RRP12: variants seen among roughly 807,000 people sequenced by gnomAD.
RRP12 encodes the protein ribosomal RNA processing 12 homolog.
RRP12 carries 78 observed loss-of-function variants against 157.3 expected under a neutral mutation model. The observed-to-expected ratio is 0.50, with a 90% CI of 0.41 to 0.60. The LOEUF is 0.60. Ranked by LOEUF, RRP12 falls within the 20% of genes least tolerant of loss-of-function variation. The pLI is 0.00. For missense variants in RRP12, 1,521 were observed against 1,679.9 expected (o/e 0.91, Z 1.65); for synonymous variants, 726 against 670.9 (o/e 1.08, Z -1.27).
intron 19 of RRP12, 51 bp downstream of exon 19, chr10:97,372,682 CCCT>C (rs1844189702): frequency 1.1e-5 from 15 of 1,419,600 alleles, no homozygotes; most frequent in African/African-American, 1.4e-5. Flanking sequence ...GCCAGATGCA[CCCT>C]CCAGCTCCCT....
rs2297988 is a variant in RRP12, at chr10:97,358,625, T to C, written c.3709-6A>G. The C allele has an allele frequency of 0.34, 541,959 of 1,606,020 alleles. 95,121 individuals are homozygous for C. Among genetic ancestry groups the C allele is most frequent in the African/African-American group, 0.57 (42,854 of 74,652 alleles). On this transcript the variant is annotated splice_region_variant and splice_polypyrimidine_tract_variant and intron_variant, in intron 32 of 33. Transcript: ENST00000370992. ...TTCACATCACCTTTTGCTTTCTGCT[T>C]GCCCAGAGAAACAGAGTCAGCTAGG...
intron 10 of RRP12, among the ~76,000 whole-genome samples, chr10:97,384,722 G>C (rs750276738): frequency 2.7e-5 from 4 of 148,614 alleles, no homozygotes; most frequent in Admixed American, 6.7e-5. Context: ...CAGCAGCCTG[G>C]ACGGAGACCC....
At chr10:97,394,467 G>A (rs577370216) in intron 3 of RRP12, among the ~76,000 whole-genome samples, 2 of 152,282 alleles carry the variant, frequency 1.3e-5, no homozygotes, top group African/African-American at 4.8e-5. Flanking sequence ...ATAGCTCACT[G>A]TAACCTTGAA....
intron 4 of RRP12, among the ~76,000 whole-genome samples, chr10:97,391,794 G>A (rs1179628581): frequency 8.6e-5 from 13 of 151,966 alleles, no homozygotes; most frequent in South Asian, 6.2e-4. Context: ...GGTGGCGGGC[G>A]CCTGTAGTCC....
intron 29 of RRP12, chr10:97,365,790 G>A (rs1843959069): frequency 7.8e-6 from 2 of 257,814 alleles, no homozygotes; most frequent in Admixed American, 5.8e-5. Flanking sequence ...AAAGAGGAAG[G>A]AAGAAAAGGA....
rs149102594 is a variant in RRP12 at position 97,374,866 on chromosome 10, G to A, written c.1799-972C>T. On this transcript the variant is annotated intron_variant, in intron 15 of 33. Transcript: ENST00000370992. The stretch of plus-strand genomic sequence containing the variant: ...GACAATAAAGCTGGTAACATTTACT[G>A]AGCAAGTACTATGTGGTAGTCTGTA... Among the ~76,000 whole-genome samples, 380 of 151,194 alleles carry A rather than the reference G, an allele frequency of 2.5e-3. 2 individuals are homozygous for A. The Middle Eastern group carries it at 0.065, about 26-fold the overall frequency.
intron 29 of RRP12, 118 bp downstream of exon 29, chr10:97,365,990 G>A: frequency 7.2e-7 from 1 of 1,381,196 alleles, no homozygotes; most frequent in Non-Finnish European, 1.0e-6. Context: ...CAAAAAGTTT[G>A]AGGAAGCTGC....
At chr10:97,359,136 G>A in intron 31 of RRP12, 126 bp from the exon 32 acceptor site, 1 of 652,100 alleles carries the variant, frequency 1.5e-6, no homozygotes, top group Non-Finnish European at 2.7e-6. Flanking sequence ...ACTTGGCTCT[G>A]TCCCCTATCA....
At chr10:97,397,525 C>T (rs557929618) in intron 2 of RRP12, among the ~76,000 whole-genome samples, 18 of 151,774 alleles carry the variant, frequency 1.2e-4, no homozygotes, top group African/African-American at 4.1e-4. Context: ...GTGCAGAACC[C>T]GCAAATATAG....
intron 2 of RRP12, among the ~76,000 whole-genome samples, chr10:97,397,399 T>G (rs1459853920): frequency 6.6e-6 from 1 of 151,964 alleles, no homozygotes; most frequent in Non-Finnish European, 1.5e-5. Flanking sequence ...TGACCTCAAG[T>G]GATCTGCCCG....
intron 15 of RRP12, among the ~76,000 whole-genome samples, chr10:97,377,574 G>C (rs1356035166): frequency 6.6e-6 from 1 of 151,430 alleles, no homozygotes; most frequent in Non-Finnish European, 1.5e-5. Flanking sequence ...GCTTGGCACA[G>C]TGGCTCACGC....
In RRP12 at chr10:97,370,925, T is replaced by C. The variant is rs777477410; in HGVS notation, c.2500A>G (p.Arg834Gly). Residue 834 changes from arginine to glycine, a missense_variant and splice_region_variant, in exon 21 of 34, where the codon AGG (arginine) becomes GGG (glycine). By Grantham distance (125) the Arg-to-Gly change is moderately radical. Transcript: ENST00000370992. ...SLRSTSSPAKRPRLKCLLHIV... is the reference protein window; with the variant it reads ...SLRSTSSPAKGPRLKCLLHIV... ...GCGGGTGGCCCTAGAGCCCTCACCCTCTTGGCGGGTGAGGAGGTGCTCCGC... is the reference window on the plus strand; with the variant it reads ...GCGGGTGGCCCTAGAGCCCTCACCCCCTTGGCGGGTGAGGAGGTGCTCCGC... 1.2e-6 allele frequency: 2 copies of C among 1,613,922 alleles called. No homozygotes were observed. The highest frequency in any genetic ancestry group is 1.7e-6 in the Non-Finnish European group (2 of 1,179,894).
chr10:97,372,197 T>A, intron 19 of RRP12, 31 bp from the exon 20 acceptor site: 2 of 1,578,430 alleles, frequency 1.3e-6, no homozygotes, highest in Non-Finnish European at 1.7e-6. Context: ...AGGAGAGGGA[T>A]GGGGAGCTGG....
At chr10:97,362,627 A>G (rs1452891298) in intron 30 of RRP12, among the ~76,000 whole-genome samples, 1 of 152,018 alleles carries the variant, frequency 6.6e-6, no homozygotes, top group Non-Finnish European at 1.5e-5. Flanking sequence ...GTCCCACAGG[A>G]GTGGTTGCCT....
chr10:97,387,328 CTTTTTCCTTTTTTTTT>C (rs1218907309), intron 8 of RRP12, among the ~76,000 whole-genome samples: 2 of 146,598 alleles, frequency 1.4e-5, no homozygotes, highest in Admixed American at 1.4e-4. Context: ...CCTTTTTTTT[CTTTTTCCTTTTTTTTT>C]TTTTTTGACA....
Position 97,373,107 on chromosome 10 carries a change from G to C in RRP12, c.2120C>G (p.Pro707Arg), listed in dbSNP as rs1217078872. 9 of 1,614,154 alleles carry C rather than the reference G, an allele frequency of 5.6e-6. No homozygotes were observed. Among genetic ancestry groups the C allele is most frequent in the Non-Finnish European group, 7.6e-6 (9 of 1,179,998 alleles). ...TTCCAGCACAGCCCGGCGAGGGGCT[G>C]GAGTGTCCCCGGCTGCCACGGGCTG... ...YGQPVAAGDT[P>R]APRRAVLETI... The change falls in exon 18 of 34, where the codon CCA (proline) becomes CGA (arginine). Residue 707 changes from proline to arginine, a missense_variant. Pro to Arg is a moderately radical substitution (Grantham distance 103, BLOSUM62 -2). Coordinates refer to ENST00000370992, the MANE Select transcript of RRP12 (RefSeq NM_015179.4).
intron 1 of RRP12, among the ~76,000 whole-genome samples, 157 bp downstream of exon 1, chr10:97,400,936 G>A (rs1307960780): frequency 2.6e-5 from 4 of 152,182 alleles, no homozygotes; most frequent in African/African-American, 4.8e-5. Flanking sequence ...TGCTAAATTG[G>A]AAGGACTGCC....
chr10:97,358,919 C>T, intron 32 of RRP12, 24 bp downstream of exon 32: 1 of 1,600,508 alleles, frequency 6.2e-7, no homozygotes, highest in Non-Finnish European at 8.6e-7. Flanking sequence ...CCAGGAGACC[C>T]CATGCCCTAC....
intron 25 of RRP12, among the ~76,000 whole-genome samples, chr10:97,367,541 A>G (rs1844024237): frequency 6.6e-6 from 1 of 152,124 alleles, no homozygotes; most frequent in South Asian, 2.1e-4. Flanking sequence ...GACTCATCTA[A>G]TGCTGCGGCT....
Sources: allele counts gnomAD v4.1 joint callset (sites outside exome capture counted in the v4.1 genomes callset), GRCh38; gene constraint gnomAD v4.1.1; transcripts MANE v1.5; gene names NCBI Gene and HGNC (gene_info 2026-07-23, HGNC 2026-07-21).